The following WWOX variants were observed in gnomAD, a reference collection of about 807,000 sequenced individuals.
WWOX encodes WW domain containing oxidoreductase, also known as WW domain-containing oxidoreductase.
A neutral mutation model predicts 46.2 loss-of-function variants in WWOX; 69 were observed. That is an observed-to-expected ratio of 1.49 (90% CI 1.23 to 1.82). The LOEUF is 1.82. Among genes scored for constraint, WWOX ranks in the 40% most tolerant of loss-of-function variants. The probability of loss-of-function intolerance (pLI) is 0.00; values close to 1 mark genes in which losing one functional copy is unlikely to be tolerated. For synonymous variants in WWOX, 359 were observed against 202.6 expected (o/e 1.77, Z -6.56); for missense variants, 919 against 542.6 (o/e 1.69, Z -6.89).
intron 5 of WWOX, among the ~76,000 whole-genome samples, chr16:78,330,853 T>A (rs1411218034): frequency 6.6e-6 from 1 of 152,222 alleles, no homozygotes; most frequent in African/African-American, 2.4e-5. Flanking sequence ...CAGAAGAAAA[T>A]AAAATTAGAT....
At chr16:78,319,397 A>G (rs2080419424) in intron 5 of WWOX, among the ~76,000 whole-genome samples, 1 of 152,074 alleles carries the variant, frequency 6.6e-6, no homozygotes, top group African/African-American at 2.4e-5. Context: ...AGTAGCTGGG[A>G]CTACAGTGTG....
At chr16:79,002,322 C>T (rs1191916661) in intron 8 of WWOX, among the ~76,000 whole-genome samples, 1 of 136,308 alleles carries the variant, frequency 7.3e-6, no homozygotes, top group East Asian at 2.4e-4. Flanking sequence ...CTTCCAAGTT[C>T]AAGTGATTCT....
chr16:78,748,776 A>G (rs555053457), intron 8 of WWOX, among the ~76,000 whole-genome samples: 6 of 152,318 alleles, frequency 3.9e-5, no homozygotes, highest in East Asian at 1.9e-4. Flanking sequence ...GTGATATTAC[A>G]TCTGCATGCG....
chr16:78,112,807 C>A (rs1179254775), intron 3 of WWOX, among the ~76,000 whole-genome samples: 1 of 151,630 alleles, frequency 6.6e-6, no homozygotes, highest in Admixed American at 6.6e-5. Context: ...TCAAGTGATC[C>A]TCCTGCCTCA....
At chr16:78,670,043 G>C (rs533835149) in intron 8 of WWOX, among the ~76,000 whole-genome samples, 1 of 152,154 alleles carries the variant, frequency 6.6e-6, no homozygotes. Context: ...GGCAGGAAGA[G>C]GGAATGAATG....
rs1029990252 is a variant in WWOX at position 78,645,712 on chromosome 16, C to A, written c.1056+212960C>A. Among the ~76,000 whole-genome samples the A allele has an allele frequency of 2.6e-5, 4 of 152,102 alleles. No individual in the cohort carries two copies. The East Asian group carries it at 7.8e-4, about 29-fold the overall frequency. ...AGCCATGAGGGATCCACCCCCGTAA[C>A]CTAGACTCCTGTCATCAGCCACGGC... On this transcript the variant is annotated intron_variant, in intron 8 of 8. Transcript: ENST00000566780.
rs145878144 is a variant in WWOX at position 78,972,862 on chromosome 16, A to C, written c.1057-238746A>C. ...TTTAATAAATCTGTCCTCTGAACTTAACACGTCTCCCCGCCTTGTAAGGGC... is the reference window on the plus strand; with the variant it reads ...TTTAATAAATCTGTCCTCTGAACTTCACACGTCTCCCCGCCTTGTAAGGGC... On this transcript the variant is annotated intron_variant, in intron 8 of 8. Coordinates refer to ENST00000566780, the MANE Select transcript of WWOX (RefSeq NM_016373.4). Among the ~76,000 whole-genome samples the C allele has an allele frequency of 3.6e-3, 542 of 152,344 alleles. 4 individuals are homozygous for C. Among genetic ancestry groups the C allele is most frequent in the Non-Finnish European group, 6.0e-3 (405 of 68,036 alleles).
At chr16:78,691,392 A>G (rs1347861247) in intron 8 of WWOX, 1 of 664,700 alleles carries the variant, frequency 1.5e-6, no homozygotes, top group South Asian at 1.7e-5. Context: ...AAGTTGGCCT[A>G]CAGGGTGCTT....
intron 8 of WWOX, among the ~76,000 whole-genome samples, chr16:78,927,409 T>G (rs2151276589): frequency 6.6e-6 from 1 of 152,306 alleles, no homozygotes; most frequent in Non-Finnish European, 1.5e-5. Context: ...CTTATGTCTG[T>G]TATTACCATG....
chr16:79,106,323 T>C (rs1286370650), intron 8 of WWOX, among the ~76,000 whole-genome samples: 2 of 152,214 alleles, frequency 1.3e-5, no homozygotes. Flanking sequence ...TTACCTGTGC[T>C]CACTCAGTTC....
intron 5 of WWOX, among the ~76,000 whole-genome samples, chr16:78,182,186 G>A (rs989318181): frequency 6.6e-6 from 1 of 152,212 alleles, no homozygotes; most frequent in African/African-American, 2.4e-5. Flanking sequence ...GATGATGACA[G>A]TATTTGGATC....
At chr16:78,855,006 A>T (rs189364143) in intron 8 of WWOX, among the ~76,000 whole-genome samples, 2 of 151,784 alleles carry the variant, frequency 1.3e-5, no homozygotes, top group Non-Finnish European at 2.9e-5. Flanking sequence ...TATTTTATTT[A>T]AAAAAATCAG....
chr16:79,157,116 G>A (rs1240147887), intron 8 of WWOX, among the ~76,000 whole-genome samples: 1 of 152,178 alleles, frequency 6.6e-6, no homozygotes. Flanking sequence ...TAATTCTGTA[G>A]AAATATTCCT....
At chr16:78,801,715 C>T (rs1313438109) in intron 8 of WWOX, among the ~76,000 whole-genome samples, 2 of 152,124 alleles carry the variant, frequency 1.3e-5, no homozygotes, top group Non-Finnish European at 1.5e-5. Context: ...CGAGCAGGTG[C>T]ACCCCCATCC....
chr16:78,147,289 A>G (rs2034231639), intron 4 of WWOX, among the ~76,000 whole-genome samples: 1 of 152,120 alleles, frequency 6.6e-6, no homozygotes, highest in Non-Finnish European at 1.5e-5. Flanking sequence ...ATGTTTGAGT[A>G]CCACTTCCTA....
At chr16:78,882,157 G>T (rs1023248363) in intron 8 of WWOX, among the ~76,000 whole-genome samples, 2 of 152,052 alleles carry the variant, frequency 1.3e-5, no homozygotes, top group Admixed American at 1.3e-4. Flanking sequence ...ACAATAAATA[G>T]TTTTCTCCGT....
chr16:78,382,883 G>C lies in WWOX; in HGVS notation c.517-3977G>C, dbSNP rs189676627. Among the ~76,000 whole-genome samples, 1,220 of 136,460 alleles carry C rather than the reference G, an allele frequency of 8.9e-3. 13 individuals carry two copies. Among genetic ancestry groups the C allele is most frequent in the African/African-American group, 0.029 (1,163 of 40,386 alleles). 89.5% of individuals were successfully genotyped at this position (136,460 alleles called of 152,430 possible). On this transcript the variant is annotated intron_variant, in intron 5 of 8. Transcript: ENST00000566780. ...CTGCTATATAAACATACCTGAGACT[G>C]TGTAATTTATAAAGAAAGCAGGTTT... is the stretch of plus-strand genomic sequence containing the variant.
intron 6 of WWOX, among the ~76,000 whole-genome samples, chr16:78,406,789 G>T (rs1334591845): frequency 6.6e-6 from 1 of 152,086 alleles, no homozygotes; most frequent in African/African-American, 2.4e-5. Context: ...ACCACGCCTG[G>T]TTAGTTTTTG....
intron 5 of WWOX, among the ~76,000 whole-genome samples, chr16:78,261,407 A>AAAATAAATAAATAAATAAATAAAT (rs140119556): frequency 8.9e-5 from 13 of 146,148 alleles, no homozygotes; most frequent in African/African-American, 3.3e-4. Context: ...CCTGTCTCTA[A>AAAATAAATAAATAAATAAATAAAT]AAATAAATAA....
Sources: gnomAD v4.1 joint callset for allele counts (sites outside exome capture counted in the v4.1 genomes callset) on GRCh38, gnomAD v4.1.1 for gene constraint, MANE v1.5 for transcripts, NCBI Gene and HGNC (gene_info 2026-07-23, HGNC 2026-07-21) for gene names.